Variants in HPSE2 observed in about 807,000 individuals in gnomAD.
The protein encoded by HPSE2 is heparanase 2 (inactive).
HPSE2 carries 38 observed loss-of-function variants against 60.5 expected under a neutral mutation model. The observed-to-expected ratio is 0.63, with a 90% confidence interval of 0.48 to 0.82. The LOEUF (loss-of-function observed/expected upper bound fraction) is 0.82, where lower values mean the gene tolerates loss of function less well. HPSE2 is among the 40% of genes least tolerant of loss of function. HPSE2 has a pLI of 0.00. For synonymous variants in HPSE2, 295 were observed against 293.2 expected (o/e 1.01, Z -0.06); for missense variants, 713 against 740.4 (o/e 0.96, Z 0.43).
intron 9 of HPSE2, among the ~76,000 whole-genome samples, chr10:98,530,459 C>G (rs944785933): frequency 6.6e-6 from 1 of 152,176 alleles, no homozygotes; most frequent in Admixed American, 6.5e-5. Flanking sequence ...GTCTGGGACT[C>G]TACTTTGAGA....
intron 3 of HPSE2, among the ~76,000 whole-genome samples, chr10:98,928,907 G>A (rs1313922305): frequency 1.4e-5 from 2 of 139,860 alleles, no homozygotes; most frequent in Non-Finnish European, 3.0e-5. Flanking sequence ...GGTAGTGGGT[G>A]CAGCGCACCA....
At chr10:98,892,528 C>A (rs1953364683) in intron 3 of HPSE2, among the ~76,000 whole-genome samples, 1 of 152,142 alleles carries the variant, frequency 6.6e-6, no homozygotes, top group East Asian at 1.9e-4. Flanking sequence ...TAAACCTTTC[C>A]CAATCTACGA....
Position 98,602,830 on chromosome 10 carries a change from AG to A in HPSE2, c.1320+12073del, listed in dbSNP as rs1945466710. Among the ~76,000 whole-genome samples the A allele has an allele frequency of 5.3e-5, 8 of 152,328 alleles. No individual in the cohort carries two copies. In the South Asian group the frequency reaches 1.7e-3, roughly 32 times the overall value. On this transcript the variant is annotated intron_variant, in intron 9 of 11. Transcript: ENST00000370552. ...TCAAATGGACCAAAGACCTAAAGAT[AG>A]GAGAGCTACAACTATACAAATTCTT...
At chr10:98,816,399 C>T (rs1951290942) in intron 3 of HPSE2, among the ~76,000 whole-genome samples, 1 of 151,862 alleles carries the variant, frequency 6.6e-6, no homozygotes, top group South Asian at 2.1e-4. Flanking sequence ...GCAGCATAAA[C>T]GATGGAGAGT....
intron 3 of HPSE2, among the ~76,000 whole-genome samples, chr10:98,799,331 A>T (rs1270191391): frequency 6.6e-6 from 1 of 152,204 alleles, no homozygotes. Flanking sequence ...GGCCCAATAC[A>T]TAATAGCTGG....
At position 98,938,735 on chromosome 10, in the gene HPSE2, C is replaced by T. The variant is rs537341678; in HGVS notation, c.611-194679G>A. Among the ~76,000 whole-genome samples the T allele has an allele frequency of 2.0e-4, 29 of 143,308 alleles. 4 individuals are homozygous for T. The highest frequency in any genetic ancestry group is 3.5e-3 in the Middle Eastern group (1 of 282). The allele number at this position is 143,308 out of a possible 152,430, so 94.0% of individuals were successfully genotyped here. ...ATTCAGACTCAGGAAATACAGAGAACGCCACAAAGATACTCCTCAAGAAGA... is the reference window on the plus strand; with the variant it reads ...ATTCAGACTCAGGAAATACAGAGAATGCCACAAAGATACTCCTCAAGAAGA... On this transcript the variant is annotated intron_variant, in intron 3 of 11. Transcript: ENST00000370552.
At chr10:99,247,775 G>T in the HPSE2 span, among the ~76,000 whole-genome samples, 1 of 152,204 alleles carries the variant, frequency 6.6e-6, no homozygotes, top group African/African-American at 2.4e-5. Context: ...AGAGCCTGGT[G>T]AGAGGTGATT....
intron 2 of HPSE2, among the ~76,000 whole-genome samples, chr10:99,181,397 C>CAAAAAAAAAAA (rs58049545): frequency 3.3e-4 from 35 of 104,728 alleles, no homozygotes; most frequent in Admixed American, 6.7e-4. Context: ...GACTCCGTCT[C>CAAAAAAAAAAA]AAAAAAAAAA....
At chr10:98,589,353 T>C (rs556147569) in intron 9 of HPSE2, among the ~76,000 whole-genome samples, 16 of 152,332 alleles carry the variant, frequency 1.1e-4, no homozygotes, top group African/African-American at 3.8e-4. Context: ...CTGTGGTCTC[T>C]TGAGTGTTCT....
chr10:98,950,475 T>C (rs1464766348), intron 3 of HPSE2, among the ~76,000 whole-genome samples: 1 of 152,104 alleles, frequency 6.6e-6, no homozygotes, highest in Non-Finnish European at 1.5e-5. Context: ...CAGTAAATGT[T>C]TGTTGAATGA....
chr10:98,726,894 A>T (rs1457884469), intron 4 of HPSE2, among the ~76,000 whole-genome samples: 3 of 152,122 alleles, frequency 2.0e-5, no homozygotes, highest in Admixed American at 6.6e-5. Context: ...GTAAAATCCC[A>T]GTTAGACTTG....
intron 9 of HPSE2, among the ~76,000 whole-genome samples, chr10:98,519,463 T>C (rs1473856078): frequency 6.6e-6 from 1 of 152,248 alleles, no homozygotes; most frequent in Non-Finnish European, 1.5e-5. Context: ...TGCCCTCTTT[T>C]ACCACCTAAG....
chr10:98,964,028 CACA>C (rs1955751530), intron 3 of HPSE2, among the ~76,000 whole-genome samples: 1 of 152,138 alleles, frequency 6.6e-6, no homozygotes. Flanking sequence ...TGCGTGTTTA[CACA>C]ACTTCAGAAG....
At chr10:99,258,057 C>T in the HPSE2 span, among the ~76,000 whole-genome samples, 1 of 151,948 alleles carries the variant, frequency 6.6e-6, no homozygotes, top group East Asian at 1.9e-4. Flanking sequence ...AGGAGAATCA[C>T]TTGAACCCAG....
intron 5 of HPSE2, among the ~76,000 whole-genome samples, chr10:98,709,107 A>T (rs1053260737): frequency 2.0e-5 from 3 of 152,186 alleles, no homozygotes; most frequent in African/African-American, 7.2e-5. Flanking sequence ...TTCAAATCTA[A>T]CATTGATAGA....
At chr10:98,884,924 T>C (rs61483806) in intron 3 of HPSE2, among the ~76,000 whole-genome samples, 1 of 152,298 alleles carries the variant, frequency 6.6e-6, no homozygotes, top group African/African-American at 2.4e-5. Context: ...ATTTGGACTT[T>C]CAAGTATTAT....
intron 6 of HPSE2, among the ~76,000 whole-genome samples, chr10:98,691,140 C>A (rs536422768): frequency 3.9e-5 from 6 of 152,146 alleles, no homozygotes; most frequent in Non-Finnish European, 8.8e-5. Context: ...CTTTAATTTT[C>A]ATGAAGTCCT....
At chr10:98,582,779 C>T (rs576110155) in intron 9 of HPSE2, among the ~76,000 whole-genome samples, 1 of 152,072 alleles carries the variant, frequency 6.6e-6, no homozygotes, top group Non-Finnish European at 1.5e-5. Context: ...TATAATTCAC[C>T]CATTTAGTGT....
intron 2 of HPSE2, among the ~76,000 whole-genome samples, chr10:99,172,281 T>C (rs1489504253): frequency 1.3e-5 from 2 of 152,190 alleles, no homozygotes; most frequent in Non-Finnish European, 2.9e-5. Context: ...ATCAGTTTCT[T>C]GCCTAACCTG....
Sources: gnomAD v4.1 joint callset for allele counts (sites outside exome capture counted in the v4.1 genomes callset) on GRCh38, gnomAD v4.1.1 for gene constraint, MANE v1.5 for transcripts, NCBI Gene and HGNC (gene_info 2026-07-23, HGNC 2026-07-21) for gene names.